The following CDH22 variants were observed in gnomAD, a reference collection of about 807,000 sequenced individuals.
The protein encoded by CDH22 is cadherin-22.
A neutral mutation model predicts 58.4 loss-of-function variants in CDH22; 30 were observed. The observed-to-expected ratio is 0.51, with a 90% CI of 0.38 to 0.70. CDH22 has a LOEUF of 0.70. Ranked by LOEUF, CDH22 falls within the 30% of genes least tolerant of loss-of-function variation. CDH22 has a pLI of 0.00. For missense variants in CDH22, 1,014 were observed against 1,233.9 expected (o/e 0.82, Z 2.67); for synonymous variants, 513 against 558.2 (o/e 0.92, Z 1.14).
In CDH22 at chr20:46,181,795, T is replaced by TTTCTTTC. The variant is rs1491111907; in HGVS notation, c.1664-3599_1664-3598insGAAAGAA. On this transcript the variant is annotated intron_variant, in intron 10 of 11. Coordinates refer to ENST00000537909, the MANE Select transcript of CDH22 (RefSeq NM_021248.3). ...TCTTTCTTTCTTTCTTTCTTTCTTT[T>TTTCTTTC]CTCTCTCTTTCTCTTTCCTTTCTTT... Among the ~76,000 whole-genome samples, 314 of 45,504 alleles carry TTTCTTTC rather than the reference T, an allele frequency of 6.9e-3. 11 individuals carry two copies. The highest frequency in any genetic ancestry group is 7.9e-3 in the African/African-American group (108 of 13,754). The allele number at this position is 45,504 out of a possible 152,430, so 29.9% of individuals were successfully genotyped here.
At chr20:46,250,884 T>A (rs534086537) in intron 2 of CDH22, among the ~76,000 whole-genome samples, 156 bp downstream of exon 2, 1 of 152,196 alleles carries the variant, frequency 6.6e-6, no homozygotes, top group Non-Finnish European at 1.5e-5. Context: ...GGAGTGGGAA[T>A]GGGGCTCTGG....
At chr20:46,307,634 C>A (rs1359380193) in intron 1 of CDH22, among the ~76,000 whole-genome samples, 1 of 152,108 alleles carries the variant, frequency 6.6e-6, no homozygotes, top group Non-Finnish European at 1.5e-5. Flanking sequence ...TCCCTGTGGG[C>A]CGCCTCCCCG....
intron 1 of CDH22, among the ~76,000 whole-genome samples, chr20:46,257,316 A>AT (rs1215294583): frequency 1.5e-3 from 226 of 151,942 alleles, no homozygotes; most frequent in African/African-American, 5.1e-3. Flanking sequence ...AAAAAAAAAA[A>AT]TCATGCTGGC....
intron 3 of CDH22, 69 bp downstream of exon 3, chr20:46,240,894 C>T: frequency 7.2e-7 from 1 of 1,393,092 alleles, no homozygotes; most frequent in South Asian, 1.3e-5. Context: ...TCAGCTACTC[C>T]CCTTCCCAGC....
chr20:46,265,078 A>C (rs537578738), intron 1 of CDH22, among the ~76,000 whole-genome samples: 7 of 152,172 alleles, frequency 4.6e-5, no homozygotes, highest in Non-Finnish European at 1.0e-4. Flanking sequence ...CGTGCTGTAC[A>C]TCATGTTGAC....
At chr20:46,190,121 C>T (rs2085853011) in intron 8 of CDH22, among the ~76,000 whole-genome samples, 1 of 152,170 alleles carries the variant, frequency 6.6e-6, no homozygotes, top group Non-Finnish European at 1.5e-5. Flanking sequence ...ATTTTGCCAC[C>T]TTAAATGTTT....
chr20:46,203,730 C>G (rs2085978354), intron 7 of CDH22, among the ~76,000 whole-genome samples: 1 of 152,178 alleles, frequency 6.6e-6, no homozygotes, highest in African/African-American at 2.4e-5. Context: ...ACAGGAGTCC[C>G]CCCAACCCAG....
chr20:46,210,357 C>T lies in CDH22; in HGVS notation c.1236G>A (p.Leu412=). The T allele has an allele frequency of 6.8e-7, 1 of 1,472,532 alleles. No individual in the cohort carries two copies. The allele number at this position is 1,472,532 out of a possible 1,614,324, so 91.2% of individuals were successfully genotyped here. Residue 412 remains leucine, a synonymous_variant, in exon 7 of 12, where the codon CTG becomes CTA. Coordinates refer to ENST00000537909, the MANE Select transcript of CDH22 (RefSeq NM_021248.3). The surrounding 1 kb of genome is among the most constrained non-coding windows in gnomAD (Gnocchi z 4.5). ...GGTCCCGCGCCGTCACCACGCCGAC[C>T]AGGGAGCCCACCTGCGCGTCCTCCT... The part of the protein sequence containing the change: ...EVQEDAQVGS[L]VGVVTARDPD...
intron 8 of CDH22, among the ~76,000 whole-genome samples, chr20:46,193,497 A>AC (rs1256872352): frequency 6.6e-6 from 1 of 151,830 alleles, no homozygotes; most frequent in Non-Finnish European, 1.5e-5. Flanking sequence ...CTCCCCATGA[A>AC]CCCGAGGGAA....
chr20:46,267,635 A>G (rs2086467378), intron 1 of CDH22, among the ~76,000 whole-genome samples: 1 of 152,182 alleles, frequency 6.6e-6, no homozygotes, highest in African/African-American at 2.4e-5. Context: ...CAGTCTTTCC[A>G]TCTGTGAAAT....
rs892642938 is a variant in CDH22 at position 46,186,930 on chromosome 20, A to T, written c.1441T>A (p.Ser481Thr). 3.6e-5 allele frequency: 58 copies of T among 1,601,232 alleles called. No individual in the cohort carries two copies. Among genetic ancestry groups the T allele is most frequent in the Non-Finnish European group, 4.8e-5 (56 of 1,173,712 alleles). ...ATTCGGATCCTTAGGGATGCCCGGG[A>T]TAGCTGTGCATGATTGTCTGTAATG... ...AMEADNHAQL[S>T]RASLRIRILD... Residue 481 changes from serine to threonine, a missense_variant, in exon 9 of 12, where the codon TCC becomes ACC. Physicochemically the swap from Ser to Thr is moderately conservative, Grantham distance 58. Around this residue, in one of 2 missense-constraint regions of CDH22, gnomAD observed 806 missense variants for 1,038.7 expected, o/e 0.78. Coordinates refer to ENST00000537909, the MANE Select transcript of CDH22 (RefSeq NM_021248.3).
chr20:46,226,268 C>T (rs773487791), intron 4 of CDH22, among the ~76,000 whole-genome samples: 1,693 of 5,048 alleles, frequency 0.34, 175 homozygotes, highest in Middle Eastern at 0.5. Flanking sequence ...TCTTCTTCTT[C>T]TTCTTCTTCT....
In CDH22 at chr20:46,210,723, C is replaced by A. The variant is rs192154205; in HGVS notation, c.1033-163G>T. 1.2e-3 allele frequency among the ~76,000 whole-genome samples: 188 copies of A among 152,244 alleles called. 3 individuals are homozygous for A. In the Middle Eastern group the frequency reaches 0.02, roughly 17 times the overall value. On this transcript the variant is annotated intron_variant, in intron 6 of 11. Transcript: ENST00000537909. This position sits in a 1 kb window ranked among gnomAD's most constrained non-coding sequence, Gnocchi z 4.5. Reference sequence around the variant, plus strand: ...CATTGCAGAACTGACCCAGACCAACCCGGTGGGTTACGGGTGGAGAAACTG... The same window carrying A: ...CATTGCAGAACTGACCCAGACCAACACGGTGGGTTACGGGTGGAGAAACTG...
At chr20:46,217,934 CT>C (rs59986864) in intron 4 of CDH22, among the ~76,000 whole-genome samples, 11 of 148,674 alleles carry the variant, frequency 7.4e-5, no homozygotes, top group Admixed American at 1.3e-4. Context: ...TCTTTTCTTT[CT>C]TTTTTTTTTG....
chr20:46,212,449 G>A (rs920167853), intron 6 of CDH22, among the ~76,000 whole-genome samples: 2 of 152,110 alleles, frequency 1.3e-5, no homozygotes, highest in African/African-American at 2.4e-5. Context: ...CCTAGGGATC[G>A]CTGAGTTTGC....
At chr20:46,286,197 T>C (rs1309482199) in intron 1 of CDH22, among the ~76,000 whole-genome samples, 1 of 152,146 alleles carries the variant, frequency 6.6e-6, no homozygotes. Flanking sequence ...AGGTGTTCTC[T>C]TACTCAAAGA....
intron 1 of CDH22, among the ~76,000 whole-genome samples, chr20:46,263,909 C>T (rs1412769916): frequency 6.6e-6 from 1 of 152,034 alleles, no homozygotes. Flanking sequence ...AACTGGGGAC[C>T]CGTGAGAAGG....
intron 4 of CDH22, chr20:46,220,742 G>A (rs1256743553): frequency 6.6e-6 from 1 of 151,774 alleles, no homozygotes; most frequent in African/African-American, 2.4e-5. Context: ...AGGAACTGGG[G>A]ACACGACACT....
chr20:46,294,187 T>C (rs2086618681), intron 1 of CDH22, among the ~76,000 whole-genome samples: 1 of 152,178 alleles, frequency 6.6e-6, no homozygotes, highest in African/African-American at 2.4e-5. Flanking sequence ...AACCTTCACC[T>C]AAAAGCAGGA....
Sources: gnomAD v4.1 joint callset for allele counts (sites outside exome capture counted in the v4.1 genomes callset) on GRCh38, gnomAD v4.1.1 for gene constraint, gnomAD v4.1.1 regional missense constraint, Gnocchi (gnomAD v3.1) non-coding constraint, MANE v1.5 for transcripts, NCBI Gene and HGNC (gene_info 2026-07-23, HGNC 2026-07-21) for gene names.